The following CDH18 variants were observed in gnomAD, a reference collection of about 807,000 sequenced individuals.
CDH18 encodes the protein cadherin 18.
A neutral mutation model predicts 67.9 loss-of-function variants in CDH18; 31 were observed. The observed-to-expected ratio is 0.46, with a 90% CI of 0.34 to 0.62. The LOEUF is 0.62. Ranked by LOEUF, CDH18 falls within the 20% of genes least tolerant of loss-of-function variation. CDH18 has a pLI of 0.01. For missense variants in CDH18, 890 were observed against 975.5 expected (o/e 0.91, Z 1.17); for synonymous variants, 362 against 347.2 (o/e 1.04, Z -0.48).
At chr5:20,089,430 C>A (rs1480434954) in intron 2 of CDH18, among the ~76,000 whole-genome samples, 1 of 152,004 alleles carries the variant, frequency 6.6e-6, no homozygotes. Flanking sequence ...ATTTTCTACC[C>A]AGTTTGGTTC....
At chr5:20,153,195 G>A (rs2126578567) in intron 2 of CDH18, among the ~76,000 whole-genome samples, 1 of 152,004 alleles carries the variant, frequency 6.6e-6, no homozygotes, top group South Asian at 2.1e-4. Flanking sequence ...GCTTGCCTTG[G>A]CCTCCCAAAG....
chr5:20,150,192 G>A (rs188402783), intron 2 of CDH18, among the ~76,000 whole-genome samples: 1 of 152,074 alleles, frequency 6.6e-6, no homozygotes, highest in East Asian at 1.9e-4. Context: ...TTTTACCTGT[G>A]GAAAAAAGAT....
chr5:20,195,269 A>G (rs1021762017), intron 2 of CDH18, among the ~76,000 whole-genome samples: 1 of 151,928 alleles, frequency 6.6e-6, no homozygotes, highest in Non-Finnish European at 1.5e-5. Flanking sequence ...TTGTTTTTTC[A>G]TATTTAACCA....
rs774396694 is a variant in CDH18, at chr5:20,555,408, C to CTTTTTTTTTTTTTTT, written c.-580+20039_-580+20053dup. On this transcript the variant is annotated intron_variant, in intron 1 of 14. Transcript: ENST00000507958. ...GCCAGAACCACCAAGACAAGCTTTT[C>CTTTTTTTTTTTTTTT]TTTTTTTTTTTTTTTTTTTTTTTTT... 8.7e-4 allele frequency among the ~76,000 whole-genome samples: 90 copies of CTTTTTTTTTTTTTTT among 103,640 alleles called. 2 individuals carry two copies. Among genetic ancestry groups the CTTTTTTTTTTTTTTT allele is most frequent in the Middle Eastern group, 7.7e-3 (1 of 130 alleles). The allele number at this position is 103,640 out of a possible 152,430, so 68.0% of individuals were successfully genotyped here. A position where few individuals can be genotyped will look rare whatever the true frequency, so the allele number is the denominator to read the frequency against.
chr5:20,246,350 T>A (rs1743375259), intron 2 of CDH18, among the ~76,000 whole-genome samples: 1 of 152,186 alleles, frequency 6.6e-6, no homozygotes, highest in Non-Finnish European at 1.5e-5. Flanking sequence ...CAAACACAGC[T>A]GTGTTTTCCA....
At chr5:20,353,940 T>G (rs377287196) in intron 1 of CDH18, among the ~76,000 whole-genome samples, 169 of 152,304 alleles carry the variant, frequency 1.1e-3, no homozygotes, top group African/African-American at 3.8e-3. Flanking sequence ...TCTTAAAGGC[T>G]TCTCGGTCAA....
At chr5:19,965,282 T>G (rs1024576801) in intron 2 of CDH18, among the ~76,000 whole-genome samples, 1 of 152,182 alleles carries the variant, frequency 6.6e-6, no homozygotes, top group African/African-American at 2.4e-5. Context: ...ATAATAAACA[T>G]AAGTCTTATG....
At chr5:20,060,809 A>G (rs1742405451) in intron 2 of CDH18, among the ~76,000 whole-genome samples, 1 of 152,154 alleles carries the variant, frequency 6.6e-6, no homozygotes, top group South Asian at 2.1e-4. Flanking sequence ...CAACCGAAAT[A>G]TTATTCATCA....
At chr5:20,205,364 C>T in intron 2 of CDH18, among the ~76,000 whole-genome samples, 1 of 151,836 alleles carries the variant, frequency 6.6e-6, no homozygotes. Context: ...CATTGGAACA[C>T]CCAAGTATAT....
chr5:20,095,704 T>C (rs1163294024), intron 2 of CDH18, among the ~76,000 whole-genome samples: 2 of 150,752 alleles, frequency 1.3e-5, no homozygotes, highest in Admixed American at 6.6e-5. Context: ...GTCAAGGCAA[T>C]GTAGATATCA....
At chr5:20,354,661 C>T (rs566513770) in intron 1 of CDH18, among the ~76,000 whole-genome samples, 1 of 152,290 alleles carries the variant, frequency 6.6e-6, no homozygotes, top group East Asian at 1.9e-4. Flanking sequence ...AACCACCTAC[C>T]TAGGTGTCCC....
intron 5 of CDH18, among the ~76,000 whole-genome samples, chr5:19,635,426 T>C (rs1752999582): frequency 6.6e-6 from 1 of 152,208 alleles, no homozygotes; most frequent in Admixed American, 6.5e-5. Context: ...TCTCATAGTT[T>C]AATTATCATG....
chr5:20,304,177 A>G, intron 1 of CDH18: 1 of 1,527,728 alleles, frequency 6.5e-7, no homozygotes. Context: ...CACAGACAAT[A>G]AAAACGTTAT....
chr5:19,483,189 A>G, intron 12 of CDH18, 112 bp downstream of exon 12: 1 of 947,450 alleles, frequency 1.1e-6, no homozygotes, highest in Non-Finnish European at 1.6e-6. Context: ...AGGAAATTGG[A>G]GCAGCTGTTT....
chr5:20,049,314 C>T (rs1222636799), intron 2 of CDH18, among the ~76,000 whole-genome samples: 1 of 151,226 alleles, frequency 6.6e-6, no homozygotes, highest in Admixed American at 6.6e-5. Context: ...ACAAAAAACA[C>T]ATACACAAAA....
chr5:20,261,190 A>C (rs558196705), intron 1 of CDH18, among the ~76,000 whole-genome samples: 1 of 152,312 alleles, frequency 6.6e-6, no homozygotes, highest in Admixed American at 6.5e-5. Context: ...TTCATTCCAT[A>C]TTATCATTTT....
At chr5:19,713,714 A>G (rs1177664414) in intron 5 of CDH18, among the ~76,000 whole-genome samples, 1 of 152,124 alleles carries the variant, frequency 6.6e-6, no homozygotes, top group Non-Finnish European at 1.5e-5. Context: ...GTGGAGTATC[A>G]GAGAAAAATG....
At chr5:20,462,638 A>C (rs1174176859) in intron 1 of CDH18, among the ~76,000 whole-genome samples, 1 of 152,182 alleles carries the variant, frequency 6.6e-6, no homozygotes, top group East Asian at 1.9e-4. Context: ...TATATATCAA[A>C]ATATTTTAAA....
At chr5:19,954,375 T>C (rs1796064707) in intron 2 of CDH18, among the ~76,000 whole-genome samples, 1 of 151,962 alleles carries the variant, frequency 6.6e-6, no homozygotes, top group Non-Finnish European at 1.5e-5. Context: ...AAAATTTAAG[T>C]GGTAAAAAAG....
Sources: allele counts gnomAD v4.1 joint callset (sites outside exome capture counted in the v4.1 genomes callset), GRCh38; gene constraint gnomAD v4.1.1; transcripts MANE v1.5; gene names NCBI Gene and HGNC (gene_info 2026-07-23, HGNC 2026-07-21).